FBN2: variants seen among roughly 807,000 people sequenced by gnomAD.
FBN2 encodes fibrillin 2, also known as fibrillin-2.
Under a neutral mutation model 355.6 loss-of-function variants are expected in FBN2, and 105 were observed. The observed-to-expected ratio is 0.30, with a 90% confidence interval of 0.25 to 0.35. The LOEUF (loss-of-function observed/expected upper bound fraction) is 0.35. Among genes scored for constraint, FBN2 ranks in the 10% least tolerant of loss-of-function variants. The probability of loss-of-function intolerance (pLI) is 1.00; values close to 1 mark genes in which losing one functional copy is unlikely to be tolerated. For synonymous variants in FBN2, 1,350 were observed against 1,301.2 expected (o/e 1.04, Z -0.81); for missense variants, 3,280 against 3,758.7 (o/e 0.87, Z 3.33).
intron 20 of FBN2, among the ~76,000 whole-genome samples, chr5:128,353,545 A>C (rs1283204947): frequency 1.3e-5 from 2 of 152,178 alleles, no homozygotes; most frequent in Admixed American, 1.3e-4. Context: ...GAGGAAACAG[A>C]GATGTTTGTG....
intron 20 of FBN2, among the ~76,000 whole-genome samples, chr5:128,356,425 C>T (rs927010125): frequency 6.6e-6 from 1 of 152,210 alleles, no homozygotes; most frequent in Non-Finnish European, 1.5e-5. Context: ...ACTAAAGATT[C>T]ATTTTGGCTA....
chr5:128,396,885 T>G (rs1752663658), intron 8 of FBN2, among the ~76,000 whole-genome samples: 1 of 152,220 alleles, frequency 6.6e-6, no homozygotes, highest in South Asian at 2.1e-4. Context: ...AAACTGTTAA[T>G]TGCTTATAAT....
At chr5:128,296,354 C>A (rs1198046237) in intron 48 of FBN2, among the ~76,000 whole-genome samples, 13 of 151,976 alleles carry the variant, frequency 8.6e-5, no homozygotes, top group South Asian at 6.2e-4. Context: ...GGCCTCATAA[C>A]ATGAGTTAGG....
intron 5 of FBN2, among the ~76,000 whole-genome samples, chr5:128,469,474 T>A (rs1207396566): frequency 1.4e-5 from 2 of 142,006 alleles, no homozygotes; most frequent in Non-Finnish European, 3.0e-5. Flanking sequence ...GAGCTTGCAG[T>A]GAGCCAAGAT....
chr5:128,328,878 C>T (rs1750622932), intron 33 of FBN2, 57 bp from the exon 34 acceptor site: 1 of 1,592,008 alleles, frequency 6.3e-7, no homozygotes, highest in African/African-American at 1.3e-5. Flanking sequence ...GACACATTTT[C>T]TCCTTGCTCT....
At chr5:128,278,952 A>G (rs1765466149) in intron 56 of FBN2, 111 bp from the exon 57 acceptor site, 1 of 837,948 alleles carries the variant, frequency 1.2e-6, no homozygotes, top group Admixed American at 2.0e-5. Context: ...TAATTAAGAC[A>G]GCTTAATGTC....
intron 6 of FBN2, among the ~76,000 whole-genome samples, chr5:128,464,123 A>G (rs988603049): frequency 3.1e-4 from 47 of 152,210 alleles, no homozygotes; most frequent in African/African-American, 1.1e-3. Context: ...GCAGTCTACT[A>G]AGGTAGCATC....
intron 63 of FBN2, 116 bp from the exon 64 acceptor site, chr5:128,262,023 A>G (rs1464191001): frequency 1.5e-5 from 12 of 814,798 alleles, no homozygotes; most frequent in African/African-American, 5.0e-5. Context: ...CTAAACTCAT[A>G]AACATAAAAC....
At chr5:128,363,030 C>A (rs1751677980) in intron 18 of FBN2, among the ~76,000 whole-genome samples, 1 of 151,846 alleles carries the variant, frequency 6.6e-6, no homozygotes, top group African/African-American at 2.4e-5. Context: ...GTTTTTGCTC[C>A]AACTCTTAAT....
Position 128,291,594 on chromosome 5 carries a change from G to A in FBN2, c.6227C>T (p.Pro2076Leu). 2 of 1,613,204 alleles carry A rather than the reference G, an allele frequency of 1.2e-6. No homozygotes were observed. The highest frequency in any genetic ancestry group is 1.3e-5 in the African/African-American group (1 of 74,966). Reference sequence around the variant, plus strand: ...GGGGCAGAGGCACTGGAAGCCCCCTGGAGTATTAGTACAGGAACCAAAAAG... The same window carrying A: ...GGGGCAGAGGCACTGGAAGCCCCCTAGAGTATTAGTACAGGAACCAAAAAG... The part of the protein sequence containing the change: ...ICLFGSCTNT[P>L]GGFQCLCPPG... Residue 2076 changes from proline (P) to leucine (L), a missense_variant, in exon 49 of 65, where the codon CCA becomes CTA. Coordinates refer to ENST00000262464, the MANE Select transcript of FBN2 (RefSeq NM_001999.4).
At chr5:128,263,767 A>G (rs534884545) in intron 62 of FBN2, 111 bp from the exon 63 acceptor site, 7 of 694,602 alleles carry the variant, frequency 1.0e-5, no homozygotes, top group Non-Finnish European at 1.7e-5. Context: ...TAACTCTAAC[A>G]CAGTATTTTA....
chr5:128,534,525 C>G (rs1451062244), intron 2 of FBN2, among the ~76,000 whole-genome samples: 4 of 152,170 alleles, frequency 2.6e-5, no homozygotes, highest in African/African-American at 7.2e-5. Context: ...GTAGATACGT[C>G]TTGACACAAG....
At position 128,346,517 on chromosome 5, in the gene FBN2, A is replaced by C. The variant is rs927506841; in HGVS notation, c.2990-933T>G. Among the ~76,000 whole-genome samples the C allele has an allele frequency of 3.3e-5, 5 of 152,242 alleles. No homozygotes were observed. In the East Asian group the frequency reaches 9.6e-4, roughly 29 times the overall value. ...GTACACATAAAAATTAATGTTTACT[A>C]CTTTAGTTACTGTCAATATTGATTC... On this transcript the variant is annotated intron_variant, in intron 23 of 64. Coordinates refer to ENST00000262464, the MANE Select transcript of FBN2 (RefSeq NM_001999.4).
intron 7 of FBN2, among the ~76,000 whole-genome samples, chr5:128,432,089 T>C (rs1753640917): frequency 6.6e-6 from 1 of 152,206 alleles, no homozygotes; most frequent in South Asian, 2.1e-4. Context: ...CCTCCATACC[T>C]ATTGAAATAC....
intron 4 of FBN2, among the ~76,000 whole-genome samples, chr5:128,522,939 G>T (rs1420950386): frequency 6.6e-6 from 1 of 152,262 alleles, no homozygotes; most frequent in Non-Finnish European, 1.5e-5. Flanking sequence ...AGTATGAGCT[G>T]GTTTCTTAGC....
At chr5:128,308,323 C>T (rs953130083) in intron 41 of FBN2, among the ~76,000 whole-genome samples, 4 of 152,042 alleles carry the variant, frequency 2.6e-5, no homozygotes, top group African/African-American at 4.8e-5. Flanking sequence ...AGGAATGTTT[C>T]TATTTAATTT....
intron 34 of FBN2, 99 bp downstream of exon 34, chr5:128,328,597 G>C (rs751679905): frequency 1.6e-6 from 2 of 1,240,866 alleles, no homozygotes. Context: ...CATGTGCTAT[G>C]TATTCTGCTT....
intron 7 of FBN2, among the ~76,000 whole-genome samples, chr5:128,426,042 C>T (rs978818046): frequency 6.6e-6 from 1 of 152,102 alleles, no homozygotes; most frequent in South Asian, 2.1e-4. Context: ...ACTCCTAATG[C>T]TTTGCCTGTA....
At chr5:128,287,875 A>C (rs761492660) in intron 53 of FBN2, among the ~76,000 whole-genome samples, 7 of 150,724 alleles carry the variant, frequency 4.6e-5, no homozygotes, top group Non-Finnish European at 1.0e-4. Flanking sequence ...AATGCCAGGG[A>C]AGGAGAAATA....
Sources: gnomAD v4.1 joint callset for allele counts (sites outside exome capture counted in the v4.1 genomes callset) on GRCh38, gnomAD v4.1.1 for gene constraint, MANE v1.5 for transcripts, NCBI Gene and HGNC (gene_info 2026-07-23, HGNC 2026-07-21) for gene names.